The following GRM1 variants were observed in gnomAD, a reference collection of about 807,000 sequenced individuals.
GRM1 encodes metabotropic glutamate receptor 1.
Under a neutral mutation model 90.9 loss-of-function variants are expected in GRM1, and 33 were observed. The observed-to-expected ratio is 0.36, with a 90% confidence interval of 0.28 to 0.49. The LOEUF is 0.49. Ranked by LOEUF, GRM1 falls within the 20% of genes least tolerant of loss-of-function variation. The pLI is 0.99. For missense variants in GRM1, 1,190 were observed against 1,534.3 expected, an observed-to-expected ratio of 0.78 and a Z score of 3.75; for synonymous variants, 700 against 613.2, an observed-to-expected ratio of 1.14 and a Z score of -2.09.
intron 2 of GRM1, among the ~76,000 whole-genome samples, chr6:146,269,876 G>C (rs541182244): frequency 2.0e-5 from 3 of 152,006 alleles, no homozygotes; most frequent in Non-Finnish European, 4.4e-5. Context: ...AAATGACCAG[G>C]ATGGTGAGCA....
chr6:146,252,827 C>A (rs767149662), intron 2 of GRM1, among the ~76,000 whole-genome samples: 1 of 151,754 alleles, frequency 6.6e-6, no homozygotes, highest in South Asian at 2.1e-4. Flanking sequence ...TTTGGGGGGC[C>A]GAGGCAGGCA....
intron 2 of GRM1, among the ~76,000 whole-genome samples, chr6:146,254,543 A>G (rs773509306): frequency 1.4e-3 from 207 of 152,316 alleles, no homozygotes; most frequent in Non-Finnish European, 1.6e-3. Flanking sequence ...ATTTTACATC[A>G]TGACCTAGGA....
chr6:146,196,051 T>C (rs1737374007), intron 2 of GRM1, among the ~76,000 whole-genome samples: 2 of 152,282 alleles, frequency 1.3e-5, no homozygotes, highest in South Asian at 4.1e-4. Flanking sequence ...GTTTGGATAA[T>C]TAATTATATA....
At chr6:146,062,622 T>C (rs76153439) in intron 1 of GRM1, among the ~76,000 whole-genome samples, 6,867 of 152,200 alleles carry the variant, frequency 0.045, 532 homozygotes, top group African/African-American at 0.15. Flanking sequence ...TGCATATATC[T>C]TTTAAATTTT....
At chr6:146,414,644 C>A (rs192282756) in intron 7 of GRM1, among the ~76,000 whole-genome samples, 3 of 152,098 alleles carry the variant, frequency 2.0e-5, no homozygotes, top group Non-Finnish European at 4.4e-5. Context: ...CCTTGTGATC[C>A]GCCCGCCTCG....
chr6:146,145,178 A>C (rs1390101390), intron 1 of GRM1, among the ~76,000 whole-genome samples: 1 of 152,246 alleles, frequency 6.6e-6, no homozygotes, highest in Non-Finnish European at 1.5e-5. Flanking sequence ...AATATTTGGA[A>C]AACCCTCACT....
intron 2 of GRM1, among the ~76,000 whole-genome samples, chr6:146,280,387 A>G (rs918935831): frequency 3.9e-5 from 6 of 151,972 alleles, no homozygotes; most frequent in African/African-American, 4.8e-5. Flanking sequence ...GATGACTATG[A>G]TTCTTTCATA....
intron 1 of GRM1, among the ~76,000 whole-genome samples, chr6:146,124,006 G>A (rs1426689621): frequency 2.0e-5 from 3 of 152,098 alleles, no homozygotes; most frequent in African/African-American, 7.2e-5. Context: ...CAGCATAGTC[G>A]AGTTTACAAA....
chr6:146,309,248 A>G (rs963426951), intron 3 of GRM1, among the ~76,000 whole-genome samples: 4 of 151,880 alleles, frequency 2.6e-5, no homozygotes, highest in Admixed American at 6.6e-5. Context: ...AAAATACAAA[A>G]ATTAGTTGGG....
chr6:146,397,322 A>G (rs1776982380), intron 6 of GRM1, among the ~76,000 whole-genome samples: 1 of 151,744 alleles, frequency 6.6e-6, no homozygotes, highest in Non-Finnish European at 1.5e-5. Context: ...AAAATACAAA[A>G]AATTAGCCGG....
At chr6:146,313,723 A>G (rs1783853003) in intron 3 of GRM1, among the ~76,000 whole-genome samples, 1 of 149,262 alleles carries the variant, frequency 6.7e-6, no homozygotes, top group African/African-American at 2.6e-5. Flanking sequence ...TACATTACAC[A>G]CATTTAAAGT....
chr6:146,081,918 G>T (rs766818790), intron 1 of GRM1, among the ~76,000 whole-genome samples: 4 of 152,162 alleles, frequency 2.6e-5, no homozygotes, highest in Non-Finnish European at 4.4e-5. Flanking sequence ...GACAAGAAAG[G>T]TTTTGTGGAG....
At chr6:146,261,713 TA>T (rs1781701443) in intron 2 of GRM1, among the ~76,000 whole-genome samples, 1 of 152,072 alleles carries the variant, frequency 6.6e-6, no homozygotes, top group South Asian at 2.1e-4. Flanking sequence ...TGATTTGAAT[TA>T]AAAACCAGTA....
intron 1 of GRM1, among the ~76,000 whole-genome samples, chr6:146,155,541 A>T (rs964250611): frequency 1.3e-5 from 2 of 152,234 alleles, no homozygotes; most frequent in African/African-American, 2.4e-5. Context: ...AGATAAAAGC[A>T]TGGGGAATGA....
intron 5 of GRM1, among the ~76,000 whole-genome samples, chr6:146,369,622 A>G (rs1583399525): frequency 6.6e-6 from 1 of 151,962 alleles, no homozygotes; most frequent in Admixed American, 6.6e-5. Flanking sequence ...GTAGTTTTAC[A>G]GTTTCCAAAA....
intron 7 of GRM1, chr6:146,426,606 A>G (rs775525032): frequency 1.2e-6 from 2 of 1,605,676 alleles, no homozygotes; most frequent in Non-Finnish European, 1.7e-6. Context: ...CCGTCGGCAC[A>G]TGTGCAGCTT....
intron 7 of GRM1, among the ~76,000 whole-genome samples, chr6:146,401,650 C>T (rs1777164099): frequency 6.6e-6 from 1 of 152,086 alleles, no homozygotes; most frequent in Non-Finnish European, 1.5e-5. Context: ...AATTACCTTG[C>T]CTTTATTATG....
chr6:146,151,215 A>G (rs1239311690), intron 1 of GRM1, among the ~76,000 whole-genome samples: 4 of 152,238 alleles, frequency 2.6e-5, no homozygotes, highest in South Asian at 2.1e-4. Context: ...TGTCTAGAGT[A>G]TAAGATAGCA....
intron 2 of GRM1, among the ~76,000 whole-genome samples, chr6:146,277,908 A>G (rs1043982079): frequency 1.3e-5 from 2 of 152,180 alleles, no homozygotes; most frequent in African/African-American, 2.4e-5. Context: ...AAATGCTTCT[A>G]AAGTCAAGCA....
Sources: allele counts gnomAD v4.1 joint callset (sites outside exome capture counted in the v4.1 genomes callset), GRCh38; gene constraint gnomAD v4.1.1; transcripts MANE v1.5; gene names NCBI Gene and HGNC (gene_info 2026-07-23, HGNC 2026-07-21).